KIAA1549: variants seen among roughly 807,000 people sequenced by gnomAD.
The protein encoded by KIAA1549 is UPF0606 protein KIAA1549.
KIAA1549 carries 70 observed loss-of-function variants against 156.4 expected under a neutral mutation model. The ratio of observed to expected loss-of-function variants is 0.45; its 90% CI spans 0.37 to 0.55. The LOEUF is 0.55. KIAA1549 is among the 20% of genes least tolerant of loss of function. The pLI, the probability that KIAA1549 is intolerant of heterozygous loss-of-function variation, is 0.00. For missense variants in KIAA1549, 2,428 were observed against 2,540.9 expected (o/e 0.96, Z 0.96); for synonymous variants, 1,103 against 1,066.4 (o/e 1.03, Z -0.67).
chr7:138,918,739 C>A lies in KIAA1549; in HGVS notation c.887G>T (p.Gly296Val). Residue 296 changes from glycine to valine, a missense_variant, in exon 2 of 20, where the codon GGC becomes GTC. Gly to Val is a moderately radical substitution (Grantham distance 109). Transcript: ENST00000422774. The surrounding 1 kb of genome is among the most constrained non-coding windows in gnomAD (Gnocchi z 4.2). ...RSLMPQPLGD[G>V]ITIPLPSLGE... ...CAAGGAGGGCAACGGTATAGTAATG[C>A]CGTCGCCTAACGGCTGTGGCATTAA... 1 of 1,613,798 alleles carries A rather than the reference C, an allele frequency of 6.2e-7. No individual in the cohort carries two copies. Among genetic ancestry groups the A allele is most frequent in the Middle Eastern group, 1.7e-4 (1 of 6,058 alleles).
intron 16 of KIAA1549, 94 bp from the exon 17 acceptor site, chr7:138,852,363 C>A (rs1810260833): frequency 1.3e-6 from 1 of 787,660 alleles, no homozygotes; most frequent in Non-Finnish European, 2.0e-6. Context: ...ACAGGATCAA[C>A]TTTCAAGAGA....
chr7:138,896,003 A>G (rs1811674698), intron 9 of KIAA1549, among the ~76,000 whole-genome samples: 1 of 125,108 alleles, frequency 8.0e-6, no homozygotes, highest in Non-Finnish European at 1.6e-5. Flanking sequence ...CTTTCACGGC[A>G]TAGGACAGTT....
chr7:138,868,600 G>C (rs1489123551), intron 14 of KIAA1549, among the ~76,000 whole-genome samples: 2 of 152,086 alleles, frequency 1.3e-5, no homozygotes, highest in Non-Finnish European at 2.9e-5. Context: ...ATTAATTTTT[G>C]TATCTTTAGT....
At chr7:138,877,680 C>A (rs1332139585) in intron 12 of KIAA1549, among the ~76,000 whole-genome samples, 1 of 152,154 alleles carries the variant, frequency 6.6e-6, no homozygotes, top group African/African-American at 2.4e-5. Context: ...AGTGAGAAAA[C>A]TATCTTTCTA....
At position 138,918,081 on chromosome 7, in the gene KIAA1549, A is replaced by G. The variant is rs780394925; in HGVS notation, c.1545T>C (p.Ser515=). 3.1e-6 allele frequency: 5 copies of G among 1,613,690 alleles called. No homozygotes were observed. In the East Asian group the frequency reaches 6.7e-5, roughly 22 times the overall value. Residue 515 remains serine (S), a synonymous_variant, in exon 2 of 20, where the codon AGT becomes AGC. Coordinates refer to ENST00000422774, the MANE Select transcript of KIAA1549 (RefSeq NM_001164665.2). This position sits in a 1 kb window ranked among gnomAD's most constrained non-coding sequence, Gnocchi z 4.2. ...CAGGGGGAACCTGTGTGGTTGTAAC[A>G]CTACTCATATCCACCTCGGCAGAAA... ...VGISAEVDMS[S]VTTTQVPPAH...
Position 138,847,259 on chromosome 7 carries a change from TTAA to T in KIAA1549, c.5295-2788_5295-2786del, listed in dbSNP as rs1396372788. ...ACAACACTTCTGAGGGTAAAAGCTATTAATAATGGGACTAACTTGGGTAACTGG... is the reference window on the plus strand; with the variant it reads ...ACAACACTTCTGAGGGTAAAAGCTATTAATGGGACTAACTTGGGTAACTGG... On this transcript the variant is annotated intron_variant, in intron 17 of 19. Coordinates refer to ENST00000422774, the MANE Select transcript of KIAA1549 (RefSeq NM_001164665.2). 1.3e-4 allele frequency among the ~76,000 whole-genome samples: 20 copies of T among 152,324 alleles called. No homozygotes were observed. The South Asian group carries it at 4.1e-3, about 32-fold the overall frequency.
intron 1 of KIAA1549, among the ~76,000 whole-genome samples, chr7:138,958,411 C>T (rs1241852259): frequency 6.6e-6 from 1 of 152,226 alleles, no homozygotes; most frequent in Non-Finnish European, 1.5e-5. Flanking sequence ...GAAATTCATC[C>T]TGTTGGCTAT....
rs370628698 is a variant in KIAA1549 at position 138,917,803 on chromosome 7, C to A, written c.1823G>T (p.Arg608Leu). The change falls in exon 2 of 20, where the codon CGT (arginine) becomes CTT (leucine). Residue 608 changes from arginine to leucine, a missense_variant. Coordinates refer to ENST00000422774, the MANE Select transcript of KIAA1549 (RefSeq NM_001164665.2). ...VESSLFSDQE[R>L]SSFSEHKPRG... Reference sequence around the variant, plus strand: ...GGGTTTATGCTCAGAAAAACTGGAACGTTCTTGGTCAGAGAAAAGTGAAGA... The same window carrying A: ...GGGTTTATGCTCAGAAAAACTGGAAAGTTCTTGGTCAGAGAAAAGTGAAGA... The A allele has an allele frequency of 3.0e-5, 48 of 1,587,124 alleles. No individual in the cohort carries two copies. In the African/African-American group the frequency reaches 6.3e-4, roughly 21 times the overall value.
intron 9 of KIAA1549, among the ~76,000 whole-genome samples, chr7:138,896,942 T>G (rs780366199): frequency 2.6e-5 from 4 of 151,952 alleles, no homozygotes; most frequent in Admixed American, 6.6e-5. Flanking sequence ...GAGGCAGAGG[T>G]TGATCAAACT....
chr7:138,844,146 G>A (rs1353800774), intron 18 of KIAA1549, among the ~76,000 whole-genome samples, 171 bp downstream of exon 18: 5 of 152,152 alleles, frequency 3.3e-5, no homozygotes, highest in Non-Finnish European at 1.5e-5. Flanking sequence ...GCAGCTTTGG[G>A]AGCTCCGCCT....
chr7:138,924,688 C>T (rs924321926), intron 1 of KIAA1549, among the ~76,000 whole-genome samples: 3 of 152,006 alleles, frequency 2.0e-5, no homozygotes, highest in African/African-American at 7.3e-5. Flanking sequence ...CTGCCAAGCC[C>T]CAGGAGGGAC....
At chr7:138,976,340 C>T (rs1002034732) in intron 1 of KIAA1549, among the ~76,000 whole-genome samples, 4 of 152,110 alleles carry the variant, frequency 2.6e-5, no homozygotes, top group East Asian at 3.9e-4. Context: ...GGATTACAGG[C>T]GTGAGTCACC....
chr7:138,869,769 A>G lies in KIAA1549; in HGVS notation c.4552-8T>C. 1 of 1,602,194 alleles carries G rather than the reference A, an allele frequency of 6.2e-7. No individual in the cohort carries two copies. The highest frequency in any genetic ancestry group is 1.7e-5 in the Admixed American group (1 of 59,410). On this transcript the variant is annotated splice_polypyrimidine_tract_variant and splice_region_variant and intron_variant, in intron 13 of 19. Transcript: ENST00000422774. ...CCGCAGCGCGGTCTGAATCTGAGGA[A>G]GGGTGAGGGAGAGAAAGACAGCCAT... is the stretch of plus-strand genomic sequence containing the variant.
intron 1 of KIAA1549, among the ~76,000 whole-genome samples, chr7:138,925,494 T>C (rs1340747380): frequency 2.6e-5 from 4 of 151,880 alleles, no homozygotes; most frequent in Non-Finnish European, 5.9e-5. Flanking sequence ...GCCACCAAAT[T>C]AAAGTTGTTG....
chr7:138,942,149 T>C (rs1813202473), intron 1 of KIAA1549, among the ~76,000 whole-genome samples: 1 of 152,154 alleles, frequency 6.6e-6, no homozygotes, highest in Non-Finnish European at 1.5e-5. Context: ...ACCCAGTATT[T>C]GAACCCGGAT....
chr7:138,877,020 G>A (rs533629196), intron 12 of KIAA1549, among the ~76,000 whole-genome samples: 1 of 152,300 alleles, frequency 6.6e-6, no homozygotes, highest in South Asian at 2.1e-4. Flanking sequence ...CAACAGCCTT[G>A]CCAAGAAGCC....
rs1317899823 is a variant in KIAA1549, at chr7:138,981,094, G to A, written c.176C>T (p.Ser59Leu). Residue 59 changes from serine (S) to leucine (L), a missense_variant, in exon 1 of 20, where the codon TCG becomes TTG. By Grantham distance (145) the Ser-to-Leu change is moderately radical. Transcript: ENST00000422774. The surrounding 1 kb of genome is among the most constrained non-coding windows in gnomAD (Gnocchi z 4.5). ...LWLLLLARPA[S>L]CAPDELSPEQ... is the part of the protein sequence containing the mutation. ...TCGGCGGAGCTTACCTGGGGCGCAC[G>A]AGGCCGGCCGGGCCAGCAGCAGCAG... 20 of 1,224,506 alleles carry A rather than the reference G, an allele frequency of 1.6e-5. No homozygotes were observed. Among genetic ancestry groups the A allele is most frequent in the Admixed American group, 1.3e-4 (3 of 23,346 alleles). 75.9% of individuals were successfully genotyped at this position (1,224,506 alleles called of 1,614,324 possible).
chr7:138,837,662 T>A lies in KIAA1549; in HGVS notation c.*244A>T, dbSNP rs1809760886. The A allele has an allele frequency of 8.9e-6, 5 of 562,588 alleles. No homozygotes were observed. The South Asian group carries it at 1.3e-4, about 15-fold the overall frequency. 34.8% of individuals were successfully genotyped at this position (562,588 alleles called of 1,614,324 possible). The stretch of plus-strand genomic sequence containing the variant: ...GTGTTTTGTTTTTGTGAAGTGCTGC[T>A]GGCTTTTGGCCAAAATACATATATT... On this transcript the variant is annotated 3_prime_UTR_variant, in exon 20 of 20. Coordinates refer to ENST00000422774, the MANE Select transcript of KIAA1549 (RefSeq NM_001164665.2).
chr7:138,873,922 C>T (rs1040120394), intron 12 of KIAA1549, among the ~76,000 whole-genome samples: 12 of 149,556 alleles, frequency 8.0e-5, no homozygotes, highest in African/African-American at 2.9e-4. Context: ...AATTTTTTTA[C>T]ATATACATAT....
Sources: allele counts gnomAD v4.1 joint callset (sites outside exome capture counted in the v4.1 genomes callset), GRCh38; gene constraint gnomAD v4.1.1; non-coding constraint Gnocchi (gnomAD v3.1); transcripts MANE v1.5; gene names NCBI Gene and HGNC (gene_info 2026-07-23, HGNC 2026-07-21).